The following REPS2 variants were observed in gnomAD, a reference collection of about 807,000 sequenced individuals.
REPS2 encodes ralBP1-associated Eps domain-containing protein 2.
In REPS2, 23 loss-of-function variants were observed where a neutral mutation model predicts 53.6. The ratio of observed to expected loss-of-function variants is 0.43; its 90% CI spans 0.31 to 0.61. The LOEUF (loss-of-function observed/expected upper bound fraction) is 0.61. Among genes scored for constraint, REPS2 ranks in the 20% least tolerant of loss-of-function variants. The pLI, the probability that REPS2 is intolerant of heterozygous loss-of-function variation, is 0.11. For missense variants in REPS2, 446 were observed against 534.9 expected (o/e 0.83, Z 1.64); for synonymous variants, 238 against 218.6 (o/e 1.09, Z -0.78).
At chrX:17,143,939 A>G (rs1416110000) in intron 17 of REPS2, among the ~76,000 whole-genome samples, 1 of 112,147 alleles carries the variant, frequency 8.9e-6, no homozygotes, top group Non-Finnish European at 1.9e-5. Context: ...TTGATATCTG[A>G]TGGCCCTTCT....
intron 13 of REPS2, among the ~76,000 whole-genome samples, chrX:17,077,784 A>C (rs1053244296): frequency 8.9e-6 from 1 of 112,617 alleles, no homozygotes; most frequent in African/African-American, 3.2e-5. Flanking sequence ...GTGGTCTTCT[A>C]TGAAAGATCT....
At chrX:17,050,198 T>TCTTTTC (rs1185481723) in intron 6 of REPS2, among the ~76,000 whole-genome samples, 5 of 22,960 alleles carry the variant, frequency 2.2e-4, no homozygotes, top group East Asian at 6.3e-3. Context: ...TTCTTTCTTT[T>TCTTTTC]TTTTTTTTTT....
chrX:16,951,559 A>ACACACACACACACACACACACACACAC (rs879259718), intron 1 of REPS2, among the ~76,000 whole-genome samples: 1 of 37,477 alleles, frequency 2.7e-5, no homozygotes, highest in Non-Finnish European at 5.5e-5. Flanking sequence ...ACACACACAC[A>ACACACACACACACACACACACACACAC]CCCCCGCTAC....
At chrX:17,099,964 C>G in intron 13 of REPS2, 1 of 1,164,529 alleles carries the variant, frequency 8.6e-7, no homozygotes. Flanking sequence ...ATAATCTGCT[C>G]CGGCTCCAAA....
chrX:17,002,706 TG>T (rs1271525138), intron 1 of REPS2, among the ~76,000 whole-genome samples: 3 of 111,948 alleles, frequency 2.7e-5, no homozygotes, highest in African/African-American at 9.7e-5. Context: ...TGACACCTCC[TG>T]GGGCTGTGCT....
intron 5 of REPS2, among the ~76,000 whole-genome samples, chrX:17,035,577 T>A (rs1447041822): frequency 9.0e-6 from 1 of 111,029 alleles, no homozygotes; most frequent in Non-Finnish European, 1.9e-5. Context: ...AGGCATTACT[T>A]GGTAAGTAAG....
At chrX:17,161,186 C>T in the REPS2 span, among the ~76,000 whole-genome samples, 1 of 111,272 alleles carries the variant, frequency 9.0e-6, no homozygotes, top group African/African-American at 3.3e-5. Context: ...AGAGGGCAGA[C>T]TGTGATAAGC....
the REPS2 span, among the ~76,000 whole-genome samples, chrX:17,193,223 G>A: frequency 2.7e-5 from 3 of 112,462 alleles, no homozygotes; most frequent in Non-Finnish European, 5.6e-5. Context: ...AGCAATATAT[G>A]AGAATTCTTG....
intron 8 of REPS2, 95 bp downstream of exon 8, chrX:17,055,045 A>G (rs1235705774): frequency 1.2e-6 from 1 of 849,096 alleles, no homozygotes; most frequent in Non-Finnish European, 1.6e-6. Flanking sequence ...TTGCCATTCT[A>G]ACTGGTGTGA....
intron 1 of REPS2, among the ~76,000 whole-genome samples, chrX:16,961,251 C>T (rs2060658476): frequency 9.0e-6 from 1 of 111,460 alleles, no homozygotes; most frequent in Admixed American, 9.6e-5. Context: ...TAAAAACAGA[C>T]ATATAGATCA....
At chrX:17,056,598 G>A (rs1602849505) in intron 8 of REPS2, among the ~76,000 whole-genome samples, 1 of 110,811 alleles carries the variant, frequency 9.0e-6, no homozygotes, top group Admixed American at 9.5e-5. Flanking sequence ...TGGAGGCTGA[G>A]GCAGGAGAAT....
At chrX:16,994,393 A>T (rs2061202200) in intron 1 of REPS2, among the ~76,000 whole-genome samples, 1 of 110,105 alleles carries the variant, frequency 9.1e-6, no homozygotes, top group Non-Finnish European at 1.9e-5. Context: ...ACACACGTAC[A>T]TATATATACA....
At chrX:17,172,095 T>C in the REPS2 span, among the ~76,000 whole-genome samples, 2 of 111,900 alleles carry the variant, frequency 1.8e-5, no homozygotes, top group Non-Finnish European at 3.8e-5. Flanking sequence ...GAAACAGATA[T>C]ACAAAGGCCA....
intron 14 of REPS2, among the ~76,000 whole-genome samples, chrX:17,110,174 A>G (rs1445492369): frequency 1.8e-5 from 2 of 111,393 alleles, no homozygotes; most frequent in East Asian, 2.8e-4. Flanking sequence ...TTTAAGTGTT[A>G]ATTTTATTAA....
chrX:17,000,046 CAA>C (rs61082179), intron 1 of REPS2, among the ~76,000 whole-genome samples: 6 of 27,104 alleles, frequency 2.2e-4, no homozygotes, highest in Non-Finnish European at 3.0e-4. Flanking sequence ...GACTCCGTCT[CAA>C]AAAAAAAAAA....
At chrX:17,012,400 A>G (rs1325794320) in intron 2 of REPS2, among the ~76,000 whole-genome samples, 1 of 110,600 alleles carries the variant, frequency 9.0e-6, no homozygotes, top group Admixed American at 9.6e-5. Flanking sequence ...AACAACAACA[A>G]CAACAACAAC....
chrX:17,144,944 C>T (rs1443378000), intron 17 of REPS2, among the ~76,000 whole-genome samples: 2 of 111,372 alleles, frequency 1.8e-5, no homozygotes, highest in African/African-American at 6.5e-5. Flanking sequence ...TTATGTTCGT[C>T]TCACAGTGGA....
chrX:17,079,751 A>G (rs1471098542), intron 13 of REPS2, among the ~76,000 whole-genome samples: 2 of 112,492 alleles, frequency 1.8e-5, no homozygotes, highest in African/African-American at 6.5e-5. Context: ...ATGAAATTTT[A>G]ATGAGCAGTT....
At chrX:17,009,133 A>C (rs1427536927) in intron 2 of REPS2, among the ~76,000 whole-genome samples, 1 of 107,307 alleles carries the variant, frequency 9.3e-6, no homozygotes, top group African/African-American at 3.3e-5. Context: ...TCTCTTCTCT[A>C]CTGTGATCTC....
Sources: gnomAD v4.1 joint callset for allele counts (sites outside exome capture counted in the v4.1 genomes callset) on GRCh38, gnomAD v4.1.1 for gene constraint, MANE v1.5 for transcripts, NCBI Gene and HGNC (gene_info 2026-07-23, HGNC 2026-07-21) for gene names.